The following DOCK2 variants were observed in gnomAD, a reference collection of about 807,000 sequenced individuals.
The protein encoded by DOCK2 is dedicator of cytokinesis 2.
DOCK2 carries 87 observed loss-of-function variants against 248.9 expected under a neutral mutation model. The observed-to-expected ratio is 0.35, with a 90% CI of 0.29 to 0.42. The LOEUF is 0.42. Among genes scored for constraint, DOCK2 ranks in the 10% least tolerant of loss-of-function variants. DOCK2 has a pLI of 1.00. For synonymous variants in DOCK2, 805 were observed against 821.6 expected (o/e 0.98, Z 0.35); for missense variants, 1,747 against 2,300.2 (o/e 0.76, Z 4.92).
intron 27 of DOCK2, among the ~76,000 whole-genome samples, chr5:169,868,831 A>G (rs1771762221): frequency 6.6e-6 from 1 of 152,218 alleles, no homozygotes; most frequent in African/African-American, 2.4e-5. Flanking sequence ...TGGGTAGAAA[A>G]GACCGGGAGA....
intron 27 of DOCK2, among the ~76,000 whole-genome samples, chr5:169,880,052 T>G (rs1483451087): frequency 6.6e-6 from 1 of 152,168 alleles, no homozygotes; most frequent in Non-Finnish European, 1.5e-5. Context: ...ATTAGAAAAT[T>G]TGTTCAAGTT....
At chr5:169,772,679 A>G (rs34368671) in intron 25 of DOCK2, among the ~76,000 whole-genome samples, 2,347 of 152,316 alleles carry the variant, frequency 0.015, 61 homozygotes, top group African/African-American at 0.054. Flanking sequence ...TCTGCTTCAC[A>G]GTGATAATAA....
At chr5:169,898,757 G>A (rs1015889443) in intron 27 of DOCK2, among the ~76,000 whole-genome samples, 33 of 152,094 alleles carry the variant, frequency 2.2e-4, no homozygotes, top group Admixed American at 6.5e-5. Flanking sequence ...AAGCACACAT[G>A]GGCAATATGT....
intron 26 of DOCK2, among the ~76,000 whole-genome samples, chr5:169,821,712 C>G: frequency 6.6e-6 from 1 of 152,170 alleles, no homozygotes; most frequent in Non-Finnish European, 1.5e-5. Context: ...ACTGTGTCAA[C>G]TAATGAGCAA....
intron 2 of DOCK2, among the ~76,000 whole-genome samples, chr5:169,659,028 T>C (rs115182808): frequency 0.053 from 7,108 of 133,220 alleles, 205 homozygotes; most frequent in South Asian, 0.11. Flanking sequence ...TTATTATTAT[T>C]ATTATTGAGA....
At chr5:169,797,539 C>T (rs1237984926) in intron 25 of DOCK2, among the ~76,000 whole-genome samples, 1 of 152,202 alleles carries the variant, frequency 6.6e-6, no homozygotes, top group African/African-American at 2.4e-5. Flanking sequence ...CCCAGAAATA[C>T]CGCATTTTCC....
chr5:170,037,171 G>T (rs901089105), intron 36 of DOCK2, among the ~76,000 whole-genome samples: 1 of 151,554 alleles, frequency 6.6e-6, no homozygotes, highest in Non-Finnish European at 1.5e-5. Flanking sequence ...TAAAATATGG[G>T]CAAGCAACAC....
chr5:169,710,184 G>A (rs1030430523), intron 15 of DOCK2, among the ~76,000 whole-genome samples: 1 of 152,144 alleles, frequency 6.6e-6, no homozygotes, highest in Non-Finnish European at 1.5e-5. Context: ...AGAGCTTAGG[G>A]TCCTTGGAGG....
intron 23 of DOCK2, among the ~76,000 whole-genome samples, chr5:169,750,691 T>G (rs1465859991): frequency 1.3e-5 from 2 of 152,234 alleles, no homozygotes; most frequent in Non-Finnish European, 2.9e-5. Context: ...AGAAAGGGGC[T>G]TCATCTCTTT....
chr5:169,739,889 G>A (rs1452239340), intron 22 of DOCK2, among the ~76,000 whole-genome samples: 2 of 152,160 alleles, frequency 1.3e-5, no homozygotes, highest in East Asian at 1.9e-4. Flanking sequence ...TGTATGTCTT[G>A]GAAGCAGGGA....
intron 27 of DOCK2, among the ~76,000 whole-genome samples, chr5:169,881,977 G>A (rs773000973): frequency 6.6e-6 from 1 of 152,176 alleles, no homozygotes; most frequent in Non-Finnish European, 1.5e-5. Flanking sequence ...ACCCAGGAAA[G>A]CATTTTGTGA....
intron 1 of DOCK2, among the ~76,000 whole-genome samples, chr5:169,648,861 CCT>C (rs1322855817): frequency 1.2e-4 from 18 of 152,212 alleles, no homozygotes; most frequent in Non-Finnish European, 2.9e-5. Flanking sequence ...TGGAGGAACA[CCT>C]CCTCCTTCTA....
chr5:169,856,775 C>T (rs1770919953), intron 27 of DOCK2, among the ~76,000 whole-genome samples: 1 of 152,186 alleles, frequency 6.6e-6, no homozygotes, highest in Non-Finnish European at 1.5e-5. Flanking sequence ...TAACATGACT[C>T]AGCACTTGGT....
intron 3 of DOCK2, 103 bp downstream of exon 3, chr5:169,669,431 G>T: frequency 7.7e-7 from 1 of 1,300,412 alleles, no homozygotes. Context: ...TCAGCAAAGG[G>T]AATCCATCTC....
At chr5:169,881,793 C>T (rs1416292123) in intron 27 of DOCK2, among the ~76,000 whole-genome samples, 1 of 152,186 alleles carries the variant, frequency 6.6e-6, no homozygotes, top group East Asian at 1.9e-4. Flanking sequence ...TCCTATACGG[C>T]AGTGCTGATT....
At chr5:169,737,279 G>C (rs558544431) in intron 22 of DOCK2, among the ~76,000 whole-genome samples, 11 of 152,252 alleles carry the variant, frequency 7.2e-5, no homozygotes, top group African/African-American at 2.6e-4. Flanking sequence ...GGAAAGTCTA[G>C]GGTGGCTGGA....
rs1346940660 is a variant in DOCK2, at chr5:169,700,148, C to A, written c.1258+9C>A. ...AGAGATCATCATGCCAGGTGAGACA[C>A]AGCTGCTCTGACCTTCCCCTGGGGA... On this transcript the variant is annotated intron_variant, in intron 13 of 51. Transcript: ENST00000520908. The A allele has an allele frequency of 1.2e-6, 2 of 1,613,036 alleles. No individual in the cohort carries two copies. The highest frequency in any genetic ancestry group is 1.7e-4 in the Middle Eastern group (1 of 6,052).
chr5:170,019,718 G>A (rs1463924683), intron 33 of DOCK2, among the ~76,000 whole-genome samples: 1 of 152,090 alleles, frequency 6.6e-6, no homozygotes, highest in Admixed American at 6.6e-5. Flanking sequence ...TCCATTTCCC[G>A]GGCCTGGTCA....
intron 27 of DOCK2, among the ~76,000 whole-genome samples, chr5:169,913,104 T>C (rs779873866): frequency 7.9e-5 from 12 of 152,242 alleles, no homozygotes; most frequent in Non-Finnish European, 1.8e-4. Flanking sequence ...TCTAGTTTCC[T>C]GTCATTTGAA....
Sources: gnomAD v4.1 joint callset for allele counts (sites outside exome capture counted in the v4.1 genomes callset) on GRCh38, gnomAD v4.1.1 for gene constraint, MANE v1.5 for transcripts, NCBI Gene and HGNC (gene_info 2026-07-23, HGNC 2026-07-21) for gene names.